Variants in WHRN observed in about 807,000 individuals in gnomAD.
The protein encoded by WHRN is whirlin.
Under a neutral mutation model 68.3 loss-of-function variants are expected in WHRN, and 41 were observed. The observed-to-expected ratio is 0.60, with a 90% CI of 0.47 to 0.78. WHRN has a LOEUF of 0.78. WHRN is among the 30% of genes least tolerant of loss of function. WHRN has a pLI of 0.00. For missense variants in WHRN, 1,243 were observed against 1,244.7 expected (o/e 1.00, Z 0.02); for synonymous variants, 560 against 561.3 (o/e 1.00, Z 0.03).
At chr9:114,435,550 G>T (rs1277386716) in intron 3 of WHRN, among the ~76,000 whole-genome samples, 1 of 152,186 alleles carries the variant, frequency 6.6e-6, no homozygotes, top group African/African-American at 2.4e-5. Flanking sequence ...CTGGGAAATG[G>T]TGTACATTTA....
intron 7 of WHRN, among the ~76,000 whole-genome samples, chr9:114,420,825 T>A (rs1203151816): frequency 6.6e-6 from 1 of 152,134 alleles, no homozygotes; most frequent in African/African-American, 2.4e-5. Flanking sequence ...TTACTCACCC[T>A]GGGCCCACAG....
intron 7 of WHRN, among the ~76,000 whole-genome samples, chr9:114,410,870 TCTCA>T (rs1409899019): frequency 2.6e-5 from 4 of 152,266 alleles, no homozygotes; most frequent in African/African-American, 9.6e-5. Flanking sequence ...TGGGCTGCTC[TCTCA>T]CTCACTGATT....
At chr9:114,491,137 C>G (rs1369360886) in intron 1 of WHRN, among the ~76,000 whole-genome samples, 1 of 152,160 alleles carries the variant, frequency 6.6e-6, no homozygotes, top group Non-Finnish European at 1.5e-5. Context: ...TCAGGAATAT[C>G]TGTTTATATC....
chr9:114,452,927 G>A (rs957796137), intron 3 of WHRN, among the ~76,000 whole-genome samples: 13 of 152,328 alleles, frequency 8.5e-5, no homozygotes, highest in African/African-American at 1.2e-4. Context: ...TTGCCATCAG[G>A]CAGTTTGGCT....
chr9:114,474,337 C>T (rs937234860), intron 2 of WHRN, among the ~76,000 whole-genome samples: 3 of 152,170 alleles, frequency 2.0e-5, no homozygotes, highest in Non-Finnish European at 4.4e-5. Context: ...TGCTAAAGGT[C>T]TTTGCATACC....
At chr9:114,427,701 C>T (rs1284987401) in intron 3 of WHRN, among the ~76,000 whole-genome samples, 1 of 152,184 alleles carries the variant, frequency 6.6e-6, no homozygotes, top group East Asian at 1.9e-4. Flanking sequence ...TTCTTGAATG[C>T]CTCACCCCAG....
chr9:114,454,646 C>A (rs777198581), intron 3 of WHRN, among the ~76,000 whole-genome samples: 1 of 151,372 alleles, frequency 6.6e-6, no homozygotes, highest in Non-Finnish European at 1.5e-5. Flanking sequence ...CTAATTTGAT[C>A]TAGATTCAAC....
chr9:114,445,288 C>T (rs1020712147), intron 3 of WHRN, among the ~76,000 whole-genome samples: 2 of 152,110 alleles, frequency 1.3e-5, no homozygotes, highest in Non-Finnish European at 2.9e-5. Flanking sequence ...GGGATCTGCC[C>T]GCCTTGGCCA....
chr9:114,470,022 G>A (rs1240382120), intron 2 of WHRN, among the ~76,000 whole-genome samples: 4 of 152,132 alleles, frequency 2.6e-5, no homozygotes, highest in South Asian at 2.1e-4. Context: ...AAGGACCCCC[G>A]TGATGACACG....
chr9:114,504,456 G>C lies in WHRN; in HGVS notation c.346C>G (p.Leu116Val). The C allele has an allele frequency of 6.2e-7, 1 of 1,607,756 alleles. No individual in the cohort carries two copies. The highest frequency in any genetic ancestry group is 8.5e-7 in the Non-Finnish European group (1 of 1,179,732). ...FDQYTAEGLY[L>V]PATTPYRQPA... ...TGCCTGTAGGGGGTGGTGGCGGGCA[G>C]GTAGAGGCCCTCGGCCGTGTATTGG... The change falls in exon 1 of 12, where the codon CTG becomes GTG. Residue 116 changes from leucine (L) to valine (V), a missense_variant. By Grantham distance (32) the Leu-to-Val change is conservative. Transcript: ENST00000362057.
chr9:114,404,927 G>A (rs971740856), intron 9 of WHRN, among the ~76,000 whole-genome samples: 1 of 152,010 alleles, frequency 6.6e-6, no homozygotes, highest in African/African-American at 2.4e-5. Context: ...ACATAGTGAA[G>A]CAGCGTGGGT....
At chr9:114,405,306 C>T (rs1834951740) in intron 9 of WHRN, among the ~76,000 whole-genome samples, 1 of 152,068 alleles carries the variant, frequency 6.6e-6, no homozygotes. Context: ...GAAATCCTGA[C>T]CTCAAATGAC....
chr9:114,504,975 G>A lies in WHRN; in HGVS notation c.-174C>T. On this transcript the variant is annotated 5_prime_UTR_variant, in exon 1 of 12. Transcript: ENST00000362057. ...ATCCTAGGGGGTCGCGGAGACCGCT[G>A]CTAGAGTCCCGGAGGCGCGAAGACG... 1.0e-6 allele frequency: 1 copy of A among 979,662 alleles called. No homozygotes were observed. Among genetic ancestry groups the A allele is most frequent in the African/African-American group, 1.7e-5 (1 of 58,348 alleles). The allele number at this position is 979,662 out of a possible 1,614,324, so 60.7% of individuals were successfully genotyped here. A position where few individuals can be genotyped will look rare whatever the true frequency, so the allele number is the denominator to read the frequency against.
At chr9:114,465,833 G>C (rs183700056) in intron 3 of WHRN, among the ~76,000 whole-genome samples, 1 of 152,310 alleles carries the variant, frequency 6.6e-6, no homozygotes, top group African/African-American at 2.4e-5. Context: ...GTGAAAAGTA[G>C]ATCACAGACG....
intron 3 of WHRN, 56 bp from the exon 4 acceptor site, chr9:114,426,469 G>A: frequency 6.3e-7 from 1 of 1,596,402 alleles, no homozygotes; most frequent in Non-Finnish European, 8.6e-7. Context: ...ATTCACACTA[G>A]GGACTTCACA....
At chr9:114,472,236 G>C (rs1841288347) in intron 2 of WHRN, among the ~76,000 whole-genome samples, 2 of 152,154 alleles carry the variant, frequency 1.3e-5, no homozygotes, top group Admixed American at 1.3e-4. Context: ...ATATGCACCT[G>C]GTCCCTCCTC....
chr9:114,431,512 A>G (rs1837422558), intron 3 of WHRN, among the ~76,000 whole-genome samples: 1 of 152,226 alleles, frequency 6.6e-6, no homozygotes, highest in Non-Finnish European at 1.5e-5. Context: ...CAGCACTGGC[A>G]TGCGGGAGAT....
intron 1 of WHRN, among the ~76,000 whole-genome samples, chr9:114,488,089 G>A (rs1431755307): frequency 6.6e-6 from 1 of 152,202 alleles, no homozygotes; most frequent in Non-Finnish European, 1.5e-5. Context: ...GGAAGGTACA[G>A]TTGCTAGAAA....
chr9:114,402,932 CCT>C lies in WHRN; in HGVS notation c.2544_2545del (p.Gly849ArgfsTer42). On this transcript the variant is annotated frameshift_variant and splice_region_variant, in exon 12 of 12. Transcript: ENST00000362057. LOFTEE classifies it high-confidence loss of function. ...CTGCCCACAGTTGTGAGCTGAGCCG[CCT>C]CTCTGCAGGGAGGAGACACAGGGCA... 6.2e-7 allele frequency: 1 copy of C among 1,610,450 alleles called. No homozygotes were observed. Among genetic ancestry groups the C allele is most frequent in the Non-Finnish European group, 8.5e-7 (1 of 1,178,602 alleles).
Sources: allele counts gnomAD v4.1 joint callset (sites outside exome capture counted in the v4.1 genomes callset), GRCh38; gene constraint gnomAD v4.1.1; transcripts MANE v1.5; gene names NCBI Gene and HGNC (gene_info 2026-07-23, HGNC 2026-07-21).